The following SLC24A2 variants were observed in gnomAD, a reference collection of about 807,000 sequenced individuals.
SLC24A2 encodes sodium/potassium/calcium exchanger 2.
Under a neutral mutation model 62.0 loss-of-function variants are expected in SLC24A2, and 36 were observed. That is an observed-to-expected ratio of 0.58 (90% CI 0.44 to 0.77). SLC24A2 has a LOEUF of 0.77. SLC24A2 is among the 30% of genes least tolerant of loss of function. SLC24A2 has a pLI of 0.00. For synonymous variants in SLC24A2, 358 were observed against 294.0 expected (o/e 1.22, Z -2.23); for missense variants, 846 against 817.9 (o/e 1.03, Z -0.42).
the SLC24A2 span, among the ~76,000 whole-genome samples, chr9:19,866,026 A>T: frequency 6.6e-6 from 1 of 152,226 alleles, no homozygotes; most frequent in Non-Finnish European, 1.5e-5. Context: ...ATCCAATTTA[A>T]AAATGGGCAA....
At chr9:19,815,858 C>T in the SLC24A2 span, among the ~76,000 whole-genome samples, 1 of 149,602 alleles carries the variant, frequency 6.7e-6, no homozygotes, top group Admixed American at 6.7e-5. Context: ...GAAATATGTA[C>T]AATAATTGTA....
the SLC24A2 span, among the ~76,000 whole-genome samples, chr9:20,069,088 C>T: frequency 7.0e-4 from 107 of 152,280 alleles, no homozygotes; most frequent in African/African-American, 2.4e-3. Context: ...TCCCAACATA[C>T]GTTTACTTTG....
chr9:19,596,062 G>A (rs188340914), intron 5 of SLC24A2, among the ~76,000 whole-genome samples: 4 of 152,238 alleles, frequency 2.6e-5, no homozygotes, highest in South Asian at 2.1e-4. Flanking sequence ...ATATCATGGT[G>A]GTTAATTTAA....
At chr9:20,226,696 TC>T in the SLC24A2 span, among the ~76,000 whole-genome samples, 6 of 152,084 alleles carry the variant, frequency 3.9e-5, no homozygotes, top group Admixed American at 2.6e-4. Context: ...ACATTCATAT[TC>T]CTGTCTCGTC....
the SLC24A2 span, among the ~76,000 whole-genome samples, chr9:20,179,689 A>C: frequency 6.6e-6 from 1 of 152,206 alleles, no homozygotes; most frequent in Non-Finnish European, 1.5e-5. Flanking sequence ...TGAGACTGAG[A>C]TAATAACATT....
At chr9:19,990,408 G>A in the SLC24A2 span, among the ~76,000 whole-genome samples, 22 of 151,832 alleles carry the variant, frequency 1.4e-4, no homozygotes, top group African/African-American at 2.2e-4. Context: ...TCAAGAGTTC[G>A]AGACCATCCT....
chr9:20,266,945 A>G, the SLC24A2 span, among the ~76,000 whole-genome samples: 2 of 151,998 alleles, frequency 1.3e-5, no homozygotes, highest in East Asian at 1.9e-4. Flanking sequence ...AGCTAGGCAT[A>G]GTGGAACACA....
chr9:20,154,557 C>G, the SLC24A2 span, among the ~76,000 whole-genome samples: 16 of 151,254 alleles, frequency 1.1e-4, no homozygotes, highest in Admixed American at 2.6e-4. Flanking sequence ...AAAAAGGAAA[C>G]GTGTGACTCT....
chr9:20,247,118 A>G, the SLC24A2 span, among the ~76,000 whole-genome samples: 1 of 152,186 alleles, frequency 6.6e-6, no homozygotes, highest in Admixed American at 6.5e-5. Context: ...TATCTCATGA[A>G]ATCTTCACAG....
At chr9:20,137,762 AAGG>A in the SLC24A2 span, among the ~76,000 whole-genome samples, 1 of 152,206 alleles carries the variant, frequency 6.6e-6, no homozygotes, top group African/African-American at 2.4e-5. Context: ...AAACAGAGTC[AAGG>A]AGGTTTCCCC....
the SLC24A2 span, among the ~76,000 whole-genome samples, chr9:20,167,905 C>T: frequency 0.26 from 38,466 of 150,394 alleles, 6,223 homozygotes; most frequent in African/African-American, 0.47. Flanking sequence ...TTTTTATATT[C>T]GACTGCTGGC....
At chr9:19,804,775 G>T in the SLC24A2 span, among the ~76,000 whole-genome samples, 2 of 151,970 alleles carry the variant, frequency 1.3e-5, no homozygotes, top group African/African-American at 4.8e-5. Context: ...TTTCATAGAT[G>T]GTCTCATCAG....
At chr9:20,148,700 G>A in the SLC24A2 span, among the ~76,000 whole-genome samples, 87 of 152,134 alleles carry the variant, frequency 5.7e-4, no homozygotes, top group Non-Finnish European at 2.9e-5. Context: ...TTACTAACTG[G>A]TGTATTATTA....
At chr9:19,949,472 CT>C in the SLC24A2 span, among the ~76,000 whole-genome samples, 1 of 152,206 alleles carries the variant, frequency 6.6e-6, no homozygotes, top group African/African-American at 2.4e-5. Context: ...TAGTCAAAGG[CT>C]TTCAAGTCTA....
intron 4 of SLC24A2, among the ~76,000 whole-genome samples, chr9:19,607,948 T>C (rs550050090): frequency 1.3e-5 from 2 of 152,300 alleles, no homozygotes; most frequent in Non-Finnish European, 2.9e-5. Flanking sequence ...CAAATTCAAA[T>C]ATGAGAATAA....
the SLC24A2 span, among the ~76,000 whole-genome samples, chr9:20,193,143 A>C: frequency 1.3e-5 from 2 of 152,146 alleles, no homozygotes; most frequent in African/African-American, 4.8e-5. Context: ...AACAGTCCAC[A>C]TGCCTTGATA....
chr9:19,584,332 A>G (rs1304176728), intron 5 of SLC24A2, among the ~76,000 whole-genome samples: 1 of 152,156 alleles, frequency 6.6e-6, no homozygotes. Flanking sequence ...ACAAAAAACA[A>G]AAAACCGTGC....
chr9:20,253,107 G>A, the SLC24A2 span, among the ~76,000 whole-genome samples: 2 of 152,332 alleles, frequency 1.3e-5, no homozygotes, highest in Admixed American at 6.5e-5. Context: ...TTTTAGGATA[G>A]GCTAGAGGGA....
At chr9:20,048,239 G>C in the SLC24A2 span, among the ~76,000 whole-genome samples, 1 of 152,112 alleles carries the variant, frequency 6.6e-6, no homozygotes, top group African/African-American at 2.4e-5. Context: ...CACATAGTAG[G>C]TATTTAGTAA....
Sources: gnomAD v4.1 joint callset for allele counts (sites outside exome capture counted in the v4.1 genomes callset) on GRCh38, gnomAD v4.1.1 for gene constraint, MANE v1.5 for transcripts, NCBI Gene and HGNC (gene_info 2026-07-23, HGNC 2026-07-21) for gene names.